Variants in MGA observed in about 807,000 individuals in gnomAD.
The protein encoded by MGA is MAX dimerization protein MGA, also known as MAX gene-associated protein.
Under a neutral mutation model 261.1 loss-of-function variants are expected in MGA, and 40 were observed. That is an observed-to-expected ratio of 0.15 (90% CI 0.12 to 0.20). MGA has a LOEUF of 0.20. Ranked by LOEUF, MGA falls within the 10% of genes least tolerant of loss-of-function variation. The pLI, the probability that MGA is intolerant of heterozygous loss-of-function variation, is 1.00. For synonymous variants in MGA, 1,302 were observed against 1,290.6 expected (o/e 1.01, Z -0.19); for missense variants, 3,397 against 3,630.5 (o/e 0.94, Z 1.65).
intron 1 of MGA, among the ~76,000 whole-genome samples, chr15:41,627,963 A>G (rs2056494484): frequency 6.6e-6 from 1 of 152,258 alleles, no homozygotes; most frequent in Non-Finnish European, 1.5e-5. Flanking sequence ...TTACAATTCA[A>G]CAACAAATAA....
intron 11 of MGA, among the ~76,000 whole-genome samples, chr15:41,731,499 A>G (rs2061506809): frequency 6.6e-6 from 1 of 152,138 alleles, no homozygotes; most frequent in Non-Finnish European, 1.5e-5. Context: ...TAAAGTAGTT[A>G]ATATACTACT....
chr15:41,698,542 A>G (rs2059667844), intron 3 of MGA, among the ~76,000 whole-genome samples: 1 of 152,188 alleles, frequency 6.6e-6, no homozygotes, highest in South Asian at 2.1e-4. Context: ...TTGTTAGCTG[A>G]GTAAGCTATC....
chr15:41,748,969 C>T (rs1290001128), intron 16 of MGA, 42 bp downstream of exon 16: 11 of 1,596,668 alleles, frequency 6.9e-6, no homozygotes, highest in Non-Finnish European at 9.4e-6. Context: ...TGTTGAATCA[C>T]TTGGCCATAT....
At chr15:41,650,288 T>C (rs1218779274) in intron 1 of MGA, among the ~76,000 whole-genome samples, 1 of 152,222 alleles carries the variant, frequency 6.6e-6, no homozygotes, top group Non-Finnish European at 1.5e-5. Flanking sequence ...TGTTCTTTTT[T>C]GTCATGTGCC....
intron 15 of MGA, among the ~76,000 whole-genome samples, chr15:41,744,008 A>T (rs1377935218): frequency 2.6e-5 from 4 of 152,120 alleles, no homozygotes; most frequent in African/African-American, 9.7e-5. Flanking sequence ...ACTTTGCAGG[A>T]TTTGAGGGGA....
Position 41,749,096 on chromosome 15 carries a change from T to G in MGA, c.5504-15T>G, listed in dbSNP as rs754078538. 6.3e-7 allele frequency: 1 copy of G among 1,592,088 alleles called. No individual in the cohort carries two copies. Among genetic ancestry groups the G allele is most frequent in the Non-Finnish European group, 8.5e-7 (1 of 1,169,916 alleles). On this transcript the variant is annotated splice_polypyrimidine_tract_variant and intron_variant, in intron 16 of 23. Coordinates refer to ENST00000219905, the MANE Select transcript of MGA (RefSeq NM_001164273.2). The stretch of plus-strand genomic sequence containing the variant: ...AGTCATGATTTAAAAATTTCTCTCT[T>G]ATTTTTTAAACCAGGGTCTGTGATG...
At chr15:41,680,274 C>T (rs570120052) in intron 2 of MGA, among the ~76,000 whole-genome samples, 2 of 152,130 alleles carry the variant, frequency 1.3e-5, no homozygotes, top group Non-Finnish European at 2.9e-5. Context: ...TAGTTTTGCC[C>T]TTGTCAGAAT....
intron 1 of MGA, among the ~76,000 whole-genome samples, chr15:41,623,819 G>C (rs1003345468): frequency 1.3e-5 from 2 of 150,144 alleles, no homozygotes; most frequent in Non-Finnish European, 3.0e-5. Flanking sequence ...TTGTCCCCCA[G>C]GCTGGAGTGC....
At chr15:41,717,975 A>G (rs2060726926) in intron 9 of MGA, among the ~76,000 whole-genome samples, 1 of 151,816 alleles carries the variant, frequency 6.6e-6, no homozygotes, top group African/African-American at 2.4e-5. Context: ...AGTGGACTTA[A>G]AAAAAGACCA....
intron 11 of MGA, 85 bp downstream of exon 11, chr15:41,729,434 T>C (rs1272614272): frequency 7.6e-7 from 1 of 1,323,994 alleles, no homozygotes; most frequent in Non-Finnish European, 1.0e-6. Flanking sequence ...AGAATAATAA[T>C]TATCCTACAG....
chr15:41,725,198 C>T (rs1438979471), intron 9 of MGA, among the ~76,000 whole-genome samples: 2 of 152,094 alleles, frequency 1.3e-5, no homozygotes, highest in African/African-American at 2.4e-5. Flanking sequence ...TAGTGCTGGG[C>T]GTAGTAGCTC....
At position 41,684,554 on chromosome 15, in the gene MGA, C is replaced by G. The variant is rs190926913; in HGVS notation, c.1065-11521C>G. On this transcript the variant is annotated intron_variant, in intron 2 of 23. Coordinates refer to ENST00000219905, the MANE Select transcript of MGA (RefSeq NM_001164273.2). ...CTTTCTGAGAGTGTTTATAACTTAC[C>G]AAGTTCAATTTCTCAGGAAGATGTG... 243 of 309,138 alleles carry G rather than the reference C, an allele frequency of 7.9e-4. 2 individuals carry two copies. Among genetic ancestry groups the G allele is most frequent in the African/African-American group, 4.9e-3 (225 of 45,924 alleles). 19.1% of individuals were successfully genotyped at this position (309,138 alleles called of 1,614,324 possible).
intron 5 of MGA, among the ~76,000 whole-genome samples, chr15:41,706,467 T>C (rs2060119893): frequency 6.6e-6 from 1 of 152,062 alleles, no homozygotes. Context: ...GTTCATAACC[T>C]ACCTAATGTC....
chr15:41,767,149 T>G lies in MGA; in HGVS notation c.9067T>G (p.Ser3023Ala). 1 of 1,613,870 alleles carries G rather than the reference T, an allele frequency of 6.2e-7. No homozygotes were observed. Among genetic ancestry groups the G allele is most frequent in the Admixed American group, 1.7e-5 (1 of 60,020 alleles). Residue 3023 changes from serine (S) to alanine (A), a missense_variant, in exon 24 of 24, where the codon TCA becomes GCA. Transcript: ENST00000219905. ...GGCACCTATAGCTGCCAAAGTTGGGTCAGTTGGACACAAAATGAACTTAAC... is the reference window on the plus strand; with the variant it reads ...GGCACCTATAGCTGCCAAAGTTGGGGCAGTTGGACACAAAATGAACTTAAC...
chr15:41,698,366 C>T (rs569522120), intron 3 of MGA, among the ~76,000 whole-genome samples: 1 of 151,898 alleles, frequency 6.6e-6, no homozygotes, highest in South Asian at 2.1e-4. Flanking sequence ...CAGGGTTTCA[C>T]CATGTGGCCA....
chr15:41,635,647 G>A (rs2056688226), intron 1 of MGA, among the ~76,000 whole-genome samples: 1 of 152,150 alleles, frequency 6.6e-6, no homozygotes, highest in Non-Finnish European at 1.5e-5. Flanking sequence ...AGGGAGCCAT[G>A]ATCCTGTCAC....
In MGA at chr15:41,729,126, C is replaced by T. The variant is rs768492243; in HGVS notation, c.3658-38C>T. Reference sequence around the variant, plus strand: ...TGTTTTGGAGTCTAGCGGAGTTTTTCCCACTGTATGGAATATTTTGTTGTA... The same window carrying T: ...TGTTTTGGAGTCTAGCGGAGTTTTTTCCACTGTATGGAATATTTTGTTGTA... On this transcript the variant is annotated intron_variant, in intron 10 of 23. Coordinates refer to ENST00000219905, the MANE Select transcript of MGA (RefSeq NM_001164273.2). 1.9e-6 allele frequency: 3 copies of T among 1,582,388 alleles called. No homozygotes were observed. The East Asian group carries it at 6.7e-5, about 36-fold the overall frequency.
At chr15:41,738,645 C>T (rs1171807777) in intron 13 of MGA, among the ~76,000 whole-genome samples, 1 of 152,186 alleles carries the variant, frequency 6.6e-6, no homozygotes, top group Non-Finnish European at 1.5e-5. Flanking sequence ...CTGCCCAGGA[C>T]TCACAAAGCC....
chr15:41,767,455 G>GGGCCGGGCGCGGTGGCTC lies in MGA; in HGVS notation c.*175_*176insGGCCGGGCGCGGTGGCTC. Reference sequence around the variant, plus strand: ...CTGACCCTGGTATAAGAAGTACTCTGAAATTCTGATCATGTTAAAATGTGT... The same window carrying GGGCCGGGCGCGGTGGCTC: ...CTGACCCTGGTATAAGAAGTACTCTGGGCCGGGCGCGGTGGCTCAAATTCTGATCATGTTAAAATGTGT... On this transcript the variant is annotated 3_prime_UTR_variant, in exon 24 of 24. Coordinates refer to ENST00000219905, the MANE Select transcript of MGA (RefSeq NM_001164273.2). 1.5e-6 allele frequency: 1 copy of GGGCCGGGCGCGGTGGCTC among 658,936 alleles called. No homozygotes were observed. The highest frequency in any genetic ancestry group is 2.7e-5 in the East Asian group (1 of 36,678). The allele number at this position is 658,936 out of a possible 1,614,324, so 40.8% of individuals were successfully genotyped here.
Sources: gnomAD v4.1 joint callset for allele counts (sites outside exome capture counted in the v4.1 genomes callset) on GRCh38, gnomAD v4.1.1 for gene constraint, MANE v1.5 for transcripts, NCBI Gene and HGNC (gene_info 2026-07-23, HGNC 2026-07-21) for gene names.